VKORC1L1: variants seen among roughly 807,000 people sequenced by gnomAD.
The protein encoded by VKORC1L1 is vitamin K epoxide reductase complex subunit 1-like protein 1.
A neutral mutation model predicts 18.9 loss-of-function variants in VKORC1L1; 2 were observed. That is an observed-to-expected ratio of 0.11 (90% CI 0.04 to 0.33). VKORC1L1 has a LOEUF of 0.33. Ranked by LOEUF, VKORC1L1 falls within the 10% of genes least tolerant of loss-of-function variation. The pLI, the probability that VKORC1L1 is intolerant of heterozygous loss-of-function variation, is 1.00. For missense variants in VKORC1L1, 123 were observed against 224.1 expected, an observed-to-expected ratio of 0.55 and a Z score of 2.88; for synonymous variants, 96 against 100.0, an observed-to-expected ratio of 0.96 and a Z score of 0.24.
In VKORC1L1 at chr7:65,888,784, C is replaced by T. The variant is rs369883126; in HGVS notation, c.194+15219C>T. ...CAATCAGTGTTCTCACATCTGCCTT[C>T]CTCCTTCCTGAGAATTAGGAGAAAG... On this transcript the variant is annotated intron_variant, in intron 1 of 2. Coordinates refer to ENST00000360768, the MANE Select transcript of VKORC1L1 (RefSeq NM_173517.6). Among the ~76,000 whole-genome samples, 81 of 152,324 alleles carry T rather than the reference C, an allele frequency of 5.3e-4. 1 individual carries two copies. The highest frequency in any genetic ancestry group is 1.9e-3 in the African/African-American group (81 of 41,574).
In VKORC1L1 at chr7:65,958,608, C is replaced by A. The variant is rs1026968945; in HGVS notation, c.*4308C>A. 2.6e-5 allele frequency: 4 copies of A among 152,210 alleles called. No individual in the cohort carries two copies. The highest frequency in any genetic ancestry group is 5.9e-5 in the Non-Finnish European group (4 of 68,050). The allele number at this position is 152,210 out of a possible 1,614,324, so 9.4% of individuals were successfully genotyped here. On this transcript the variant is annotated 3_prime_UTR_variant, in exon 3 of 3. Coordinates refer to ENST00000360768, the MANE Select transcript of VKORC1L1 (RefSeq NM_173517.6). ...CATTCCAAAAGAACTGAAACGAAGT[C>A]TTTTTAGACTCAGTAGGAGCCTTAT...
chr7:65,884,072 T>G (rs758973525), intron 1 of VKORC1L1, among the ~76,000 whole-genome samples: 18 of 152,176 alleles, frequency 1.2e-4, no homozygotes, highest in Non-Finnish European at 2.2e-4. Flanking sequence ...AAGTGTTTGA[T>G]TAATTTCTAT....
At chr7:65,888,551 T>C (rs560469323) in intron 1 of VKORC1L1, among the ~76,000 whole-genome samples, 1 of 152,304 alleles carries the variant, frequency 6.6e-6, no homozygotes, top group East Asian at 1.9e-4. Context: ...CCTGGCTGAC[T>C]GCTGATCTGG....
At chr7:65,887,397 T>G (rs1269576299) in intron 1 of VKORC1L1, among the ~76,000 whole-genome samples, 1 of 152,044 alleles carries the variant, frequency 6.6e-6, no homozygotes, top group African/African-American at 2.4e-5. Flanking sequence ...CCATATTAAA[T>G]GAGTTTTTCA....
chr7:65,866,845 T>A, the VKORC1L1 span, among the ~76,000 whole-genome samples: 235 of 150,656 alleles, frequency 1.6e-3, 1 homozygote, highest in African/African-American at 5.6e-3. Context: ...CCTGGGGAGG[T>A]GAGACCCTGT....
intron 1 of VKORC1L1, among the ~76,000 whole-genome samples, chr7:65,921,673 C>T (rs1300405201): frequency 6.6e-6 from 1 of 152,192 alleles, no homozygotes; most frequent in East Asian, 1.9e-4. Flanking sequence ...ATGGTGAAAC[C>T]CCGTCTCTAC....
upstream of VKORC1L1, among the ~76,000 whole-genome samples, chr7:65,871,636 TG>T (rs1173370506): frequency 3.9e-5 from 6 of 152,238 alleles, no homozygotes; most frequent in Non-Finnish European, 7.3e-5. Flanking sequence ...TCCCTCTCCC[TG>T]GGGTAAGCCT....
chr7:65,899,332 G>C (rs1446925058), intron 1 of VKORC1L1, among the ~76,000 whole-genome samples: 3 of 152,316 alleles, frequency 2.0e-5, no homozygotes, highest in Non-Finnish European at 4.4e-5. Context: ...CCAGGAACAA[G>C]CTGCTTCTAT....
chr7:65,957,801 C>T lies in VKORC1L1; in HGVS notation c.*3501C>T, dbSNP rs548660500. On this transcript the variant is annotated 3_prime_UTR_variant, in exon 3 of 3. Transcript: ENST00000360768. ...GAGCCACAGTTGCGCCATTGCACTC[C>T]AGCCTGGGCAATGAGTGAAACTCTG... The T allele has an allele frequency of 6.6e-6, 1 of 152,228 alleles. No individual in the cohort carries two copies. Among genetic ancestry groups the T allele is most frequent in the Non-Finnish European group, 1.5e-5 (1 of 68,040 alleles). The allele number at this position is 152,228 out of a possible 1,614,324, so 9.4% of individuals were successfully genotyped here. A position where few individuals can be genotyped will look rare whatever the true frequency, so the allele number is the denominator to read the frequency against.
intron 1 of VKORC1L1, among the ~76,000 whole-genome samples, chr7:65,925,960 TA>T (rs1445940054): frequency 1.3e-5 from 2 of 151,974 alleles, no homozygotes; most frequent in Non-Finnish European, 2.9e-5. Flanking sequence ...CTGAGAGAAA[TA>T]TTTTTTTCTA....
At chr7:65,867,971 C>T in the VKORC1L1 span, among the ~76,000 whole-genome samples, 4 of 152,174 alleles carry the variant, frequency 2.6e-5, no homozygotes, top group Admixed American at 2.0e-4. Context: ...CTCAGCCTCC[C>T]GAGTAGCTGG....
chr7:65,921,847 CAAAAA>C (rs781755033), intron 1 of VKORC1L1, among the ~76,000 whole-genome samples: 1 of 129,580 alleles, frequency 7.7e-6, no homozygotes, highest in South Asian at 2.5e-4. Flanking sequence ...GACTCCATCT[CAAAAA>C]AAAAAAAAAA....
intron 1 of VKORC1L1, among the ~76,000 whole-genome samples, chr7:65,927,595 A>G (rs908052105): frequency 2.6e-5 from 4 of 152,068 alleles, no homozygotes; most frequent in Non-Finnish European, 5.9e-5. Flanking sequence ...CAGCACAGTC[A>G]CAACAAGCCA....
intron 1 of VKORC1L1, among the ~76,000 whole-genome samples, chr7:65,911,080 G>T (rs1232387884): frequency 6.6e-6 from 1 of 152,140 alleles, no homozygotes; most frequent in Non-Finnish European, 1.5e-5. Flanking sequence ...TGAGGGCTCA[G>T]CCCCACTCCT....
At chr7:65,871,875 G>GA (rs202125801), upstream of VKORC1L1, among the ~76,000 whole-genome samples, 3 of 151,528 alleles carry the variant, frequency 2.0e-5, no homozygotes, top group African/African-American at 7.3e-5. Flanking sequence ...AACTGTGAGG[G>GA]AAAAAAAAGT....
chr7:65,914,478 T>C (rs2115588830), intron 1 of VKORC1L1, among the ~76,000 whole-genome samples: 1 of 152,194 alleles, frequency 6.6e-6, no homozygotes, highest in Admixed American at 6.5e-5. Context: ...CCTGCATCCT[T>C]AACCTCCCCA....
intron 1 of VKORC1L1, among the ~76,000 whole-genome samples, chr7:65,884,786 T>C (rs571298192): frequency 6.6e-6 from 1 of 152,326 alleles, no homozygotes; most frequent in African/African-American, 2.4e-5. Flanking sequence ...TGTCATGTTA[T>C]TGTTTTGATT....
Position 65,895,468 on chromosome 7 carries a change from AAAAAAAAAAAAAATATATATAT to A in VKORC1L1, c.194+21905_194+21926del, listed in dbSNP as rs1407547549. 5.9e-4 allele frequency among the ~76,000 whole-genome samples: 31 copies of A among 52,774 alleles called. 1 individual carries two copies. In the Middle Eastern group the frequency reaches 0.027, roughly 46 times the overall value. 34.6% of individuals were successfully genotyped at this position (52,774 alleles called of 152,430 possible). A position where few individuals can be genotyped will look rare whatever the true frequency, so the allele number is the denominator to read the frequency against. ...CCATCTGTGAGAAAAAAAAAAAAAAAAAAAAAAAAAAAATATATATATATATATATATATATATATATATATA... is the reference window on the plus strand; with the variant it reads ...CCATCTGTGAGAAAAAAAAAAAAAAAATATATATATATATATATATATATA... On this transcript the variant is annotated intron_variant, in intron 1 of 2. Transcript: ENST00000360768.
At chr7:65,945,370 G>A (rs1790102383) in intron 1 of VKORC1L1, among the ~76,000 whole-genome samples, 1 of 152,184 alleles carries the variant, frequency 6.6e-6, no homozygotes, top group African/African-American at 2.4e-5. Context: ...CCAGCACTTT[G>A]GGAGGCCGAG....
Sources: allele counts gnomAD v4.1 joint callset (sites outside exome capture counted in the v4.1 genomes callset), GRCh38; gene constraint gnomAD v4.1.1; transcripts MANE v1.5; gene names NCBI Gene and HGNC (gene_info 2026-07-23, HGNC 2026-07-21).